Variants in SREK1 observed in about 807,000 individuals in gnomAD.
SREK1 encodes the protein splicing regulatory glutamine/lysine-rich protein 1.
In SREK1, 13 loss-of-function variants were observed where a neutral mutation model predicts 66.5. The ratio of observed to expected loss-of-function variants is 0.20; its 90% CI spans 0.13 to 0.31. The LOEUF is 0.31. Among genes scored for constraint, SREK1 ranks in the 10% least tolerant of loss-of-function variants. The pLI, the probability that SREK1 is intolerant of heterozygous loss-of-function variation, is 1.00. For synonymous variants in SREK1, 265 were observed against 263.5 expected (o/e 1.01, Z -0.05); for missense variants, 607 against 769.6 (o/e 0.79, Z 2.50).
chr5:66,156,047 A>C, intron 2 of SREK1: 1 of 1,533,394 alleles, frequency 6.5e-7, no homozygotes, highest in Non-Finnish European at 8.7e-7. Flanking sequence ...TCTCTATGTG[A>C]TATTTGTGCA....
intron 1 of SREK1, among the ~76,000 whole-genome samples, chr5:66,148,884 G>A (rs1290285186): frequency 6.6e-6 from 1 of 152,168 alleles, no homozygotes; most frequent in African/African-American, 2.4e-5. Flanking sequence ...TTGGGCACAA[G>A]CAAGTACACA....
chr5:66,144,839 T>G, intron 1 of SREK1: 1 of 1,078,290 alleles, frequency 9.3e-7, no homozygotes, highest in Non-Finnish European at 1.1e-6. Context: ...ACCCTCTTAT[T>G]TCCCCCCGAA....
chr5:66,150,394 C>T (rs776782490), intron 1 of SREK1, among the ~76,000 whole-genome samples: 8 of 152,150 alleles, frequency 5.3e-5, no homozygotes, highest in Non-Finnish European at 4.4e-5. Flanking sequence ...GCGAGGACAT[C>T]GTAACCAAAT....
At chr5:66,157,078 T>A (rs1245169413) in intron 2 of SREK1, 4 of 968,398 alleles carry the variant, frequency 4.1e-6, no homozygotes, top group Non-Finnish European at 4.9e-6. Context: ...CTTTTGCCAT[T>A]ACCTTTAGGT....
Position 66,170,664 on chromosome 5 carries a change from A to G in SREK1, c.1201A>G (p.Arg401Gly). The G allele has an allele frequency of 6.2e-7, 1 of 1,613,652 alleles. No individual in the cohort carries two copies. The change falls in exon 9 of 12, where the codon AGG becomes GGG. Residue 401 changes from arginine (R) to glycine (G), a missense_variant. By Grantham distance (125) the Arg-to-Gly change is moderately radical. Coordinates refer to ENST00000334121, the MANE Select transcript of SREK1 (RefSeq NM_001077199.3). ...KEKDREKERE[R>G]EKEREKEKER... ...GAAAGACAGGGAAAAGGAGAGAGAG[A>G]GGGAAAAGGAACGTGAAAAAGAAAA...
At position 66,182,556 on chromosome 5, in the gene SREK1, T is replaced by C. The variant is rs1746579452; in HGVS notation, c.*3688T>C. On this transcript the variant is annotated 3_prime_UTR_variant, in exon 12 of 12. Coordinates refer to ENST00000334121, the MANE Select transcript of SREK1 (RefSeq NM_001077199.3). Reference sequence around the variant, plus strand: ...ATTGGTGGTTTTGCCTGAAGAGTAATACATTATTATTATTACTTTTCTTTT... The same window carrying C: ...ATTGGTGGTTTTGCCTGAAGAGTAACACATTATTATTATTACTTTTCTTTT... The C allele has an allele frequency of 6.6e-6, 1 of 152,108 alleles. No individual in the cohort carries two copies. The highest frequency in any genetic ancestry group is 1.5e-5 in the Non-Finnish European group (1 of 68,024). The allele number at this position is 152,108 out of a possible 1,614,324, so 9.4% of individuals were successfully genotyped here. A position where few individuals can be genotyped will look rare whatever the true frequency, so the allele number is the denominator to read the frequency against.
chr5:66,147,750 C>G lies in SREK1; in HGVS notation c.161+3213C>G, dbSNP rs1385823755. Among the ~76,000 whole-genome samples, 4 of 152,190 alleles carry G rather than the reference C, an allele frequency of 2.6e-5. No homozygotes were observed. In the East Asian group the frequency reaches 7.7e-4, roughly 29 times the overall value. ...AGCACTTGTGATCCCACCACTCTAT[C>G]AAAGCTTCTCTCCATTTCCCTGTAG... is the stretch of plus-strand genomic sequence containing the variant. On this transcript the variant is annotated intron_variant, in intron 1 of 11. Coordinates refer to ENST00000334121, the MANE Select transcript of SREK1 (RefSeq NM_001077199.3).
At position 66,164,240 on chromosome 5, in the gene SREK1, G is replaced by A. The variant is rs372614474; in HGVS notation, c.886+318G>A. 2.2e-4 allele frequency: 64 copies of A among 291,074 alleles called. 1 individual carries two copies. The East Asian group carries it at 3.2e-3, about 14-fold the overall frequency. 18.0% of individuals were successfully genotyped at this position (291,074 alleles called of 1,614,324 possible). A position where few individuals can be genotyped will look rare whatever the true frequency, so the allele number is the denominator to read the frequency against. ...TAAAAAGAGTACATATATTTAAAAC[G>A]TTACGACTCAGCAGGTTTACTTTTC... On this transcript the variant is annotated intron_variant, in intron 6 of 11. Coordinates refer to ENST00000334121, the MANE Select transcript of SREK1 (RefSeq NM_001077199.3).
Position 66,151,133 on chromosome 5 carries a change from G to T in SREK1, c.162-2330G>T, listed in dbSNP as rs1336044360. On this transcript the variant is annotated intron_variant, in intron 1 of 11. Transcript: ENST00000334121. ...TAGGATTACAGGCATGAGCCACCCT[G>T]CCTGGCTGACAAAATATTTTTTAGA... Among the ~76,000 whole-genome samples, 7 of 152,114 alleles carry T rather than the reference G, an allele frequency of 4.6e-5. 1 individual carries two copies. The highest frequency in any genetic ancestry group is 4.6e-4 in the Admixed American group (7 of 15,274).
At chr5:66,152,001 A>C (rs868324595) in intron 1 of SREK1, among the ~76,000 whole-genome samples, 37 of 151,174 alleles carry the variant, frequency 2.4e-4, no homozygotes, top group African/African-American at 8.7e-4. Flanking sequence ...GCCCGCCACC[A>C]CGCCTGGAGA....
intron 9 of SREK1, among the ~76,000 whole-genome samples, chr5:66,171,647 ATATT>A (rs1192126060): frequency 6.6e-6 from 1 of 152,192 alleles, no homozygotes; most frequent in Non-Finnish European, 1.5e-5. Flanking sequence ...CTAAATATAT[ATATT>A]AGCAAATTTT....
In SREK1 at chr5:66,144,669, A is replaced by G. The variant is rs1034387115; in HGVS notation, c.161+132A>G. 2.9e-5 allele frequency: 40 copies of G among 1,391,784 alleles called. No individual in the cohort carries two copies. The Admixed American group carries it at 8.4e-4, about 29-fold the overall frequency. 86.2% of individuals were successfully genotyped at this position (1,391,784 alleles called of 1,614,324 possible). A position where few individuals can be genotyped will look rare whatever the true frequency, so the allele number is the denominator to read the frequency against. ...ATCGCGCCGGCTTACCTTGGTGCCC[A>G]TATTTGATTAGGGCACCCGGGTTCC... On this transcript the variant is annotated intron_variant, in intron 1 of 11. Coordinates refer to ENST00000334121, the MANE Select transcript of SREK1 (RefSeq NM_001077199.3).
rs771694762 is a variant in SREK1 at position 66,177,677 on chromosome 5, G to T, written c.1725+19G>T. 1.3e-5 allele frequency: 20 copies of T among 1,573,950 alleles called. No individual in the cohort carries two copies. Among genetic ancestry groups the T allele is most frequent in the Non-Finnish European group, 1.5e-5 (18 of 1,165,136 alleles). ...ACTTAAAGTAAGCAGCAGTCATTCGGTGTCTGGCACTTGAAATGGTTCTTT... is the reference window on the plus strand; with the variant it reads ...ACTTAAAGTAAGCAGCAGTCATTCGTTGTCTGGCACTTGAAATGGTTCTTT... On this transcript the variant is annotated intron_variant, in intron 11 of 11. Coordinates refer to ENST00000334121, the MANE Select transcript of SREK1 (RefSeq NM_001077199.3).
At chr5:66,174,281 A>C (rs1028494818) in intron 9 of SREK1, among the ~76,000 whole-genome samples, 1 of 152,164 alleles carries the variant, frequency 6.6e-6, no homozygotes, top group Non-Finnish European at 1.5e-5. Context: ...CTATTTTATA[A>C]TTATTCCTGT....
chr5:66,162,081 C>T lies in SREK1; in HGVS notation c.412-28C>T, dbSNP rs756407812. Reference sequence around the variant, plus strand: ...TGGATACTAATAGAAAATATGTGTTCTGTGTGTTTTTTTTCTTCTTTCGAT... The same window carrying T: ...TGGATACTAATAGAAAATATGTGTTTTGTGTGTTTTTTTTCTTCTTTCGAT... On this transcript the variant is annotated intron_variant, in intron 3 of 11. Coordinates refer to ENST00000334121, the MANE Select transcript of SREK1 (RefSeq NM_001077199.3). 6 of 1,602,724 alleles carry T rather than the reference C, an allele frequency of 3.7e-6. No individual in the cohort carries two copies. The Admixed American group carries it at 1.0e-4, about 28-fold the overall frequency.
At position 66,145,349 on chromosome 5, in the gene SREK1, T is replaced by G. The variant is rs1185711655; in HGVS notation, c.161+812T>G. Among the ~76,000 whole-genome samples the G allele has an allele frequency of 4.6e-5, 7 of 152,234 alleles. No individual in the cohort carries two copies. The East Asian group carries it at 1.4e-3, about 29-fold the overall frequency. On this transcript the variant is annotated intron_variant, in intron 1 of 11. Coordinates refer to ENST00000334121, the MANE Select transcript of SREK1 (RefSeq NM_001077199.3). Reference sequence around the variant, plus strand: ...CAAGGGGTTTGTAGGTTGTTCACATTCTTGCACACAAACTTTTTTTCTTTT... The same window carrying G: ...CAAGGGGTTTGTAGGTTGTTCACATGCTTGCACACAAACTTTTTTTCTTTT...
chr5:66,177,075 C>T (rs1746111361), intron 10 of SREK1, among the ~76,000 whole-genome samples: 1 of 152,140 alleles, frequency 6.6e-6, no homozygotes, highest in Non-Finnish European at 1.5e-5. Flanking sequence ...GAAAATGTCA[C>T]TCCTGTCTCC....
chr5:66,159,666 T>C (rs1038888539), intron 3 of SREK1, among the ~76,000 whole-genome samples: 5 of 152,308 alleles, frequency 3.3e-5, no homozygotes, highest in East Asian at 3.9e-4. Flanking sequence ...TAAATCCATT[T>C]AAAATACGTG....
chr5:66,170,688 A>C lies in SREK1; in HGVS notation c.1225A>C (p.Lys409Gln). Residue 409 changes from lysine to glutamine, a missense_variant, in exon 9 of 12, where the codon AAG becomes CAG. Lys to Gln is a moderately conservative substitution (Grantham distance 53). Around this residue, in one of 5 missense-constraint regions of SREK1, gnomAD observed 318 missense variants for 310.3 expected, o/e 1.02. Transcript: ENST00000334121. The part of the protein sequence containing the change: ...REREKEREKE[K>Q]ERGKNKDRDK... ...GAGGGAAAAGGAACGTGAAAAAGAA[A>C]AGGAACGGGGTAAAAACAAAGACCG... 6.2e-7 allele frequency: 1 copy of C among 1,612,570 alleles called. No individual in the cohort carries two copies. The highest frequency in any genetic ancestry group is 8.5e-7 in the Non-Finnish European group (1 of 1,179,232).
Sources: gnomAD v4.1 joint callset for allele counts (sites outside exome capture counted in the v4.1 genomes callset) on GRCh38, gnomAD v4.1.1 for gene constraint, gnomAD v4.1.1 regional missense constraint, MANE v1.5 for transcripts, NCBI Gene and HGNC (gene_info 2026-07-23, HGNC 2026-07-21) for gene names.